RAPGEF4: variants seen among roughly 807,000 people sequenced by gnomAD.
The protein encoded by RAPGEF4 is Rap guanine nucleotide exchange factor 4.
RAPGEF4 carries 66 observed loss-of-function variants against 147.9 expected under a neutral mutation model. That is an observed-to-expected ratio of 0.45 (90% CI 0.37 to 0.55). The LOEUF is 0.55. Among genes scored for constraint, RAPGEF4 ranks in the 20% least tolerant of loss-of-function variants. The pLI, the probability that RAPGEF4 is intolerant of heterozygous loss-of-function variation, is 0.00. For synonymous variants in RAPGEF4, 419 were observed against 442.7 expected (o/e 0.95, Z 0.67); for missense variants, 1,071 against 1,257.3 (o/e 0.85, Z 2.24).
chr2:172,750,273 A>T (rs1695150728), intron 1 of RAPGEF4, among the ~76,000 whole-genome samples: 1 of 152,110 alleles, frequency 6.6e-6, no homozygotes, highest in Admixed American at 6.5e-5. Flanking sequence ...GAGACTGGTT[A>T]ATTTATAAAG....
intron 1 of RAPGEF4, among the ~76,000 whole-genome samples, chr2:172,746,789 T>C (rs2149432075): frequency 6.6e-6 from 1 of 152,086 alleles, no homozygotes; most frequent in Non-Finnish European, 1.5e-5. Flanking sequence ...ATTTTTGTAA[T>C]TTTAGTAGAG....
intron 4 of RAPGEF4, among the ~76,000 whole-genome samples, chr2:172,900,718 C>A (rs1312760437): frequency 6.6e-6 from 1 of 152,050 alleles, no homozygotes; most frequent in Non-Finnish European, 1.5e-5. Flanking sequence ...TCTTTTGCCC[C>A]CAAATACTTG....
chr2:172,905,850 C>T (rs994827634), intron 4 of RAPGEF4, among the ~76,000 whole-genome samples: 8 of 152,308 alleles, frequency 5.3e-5, no homozygotes, highest in Admixed American at 6.5e-5. Context: ...CCCCATTATG[C>T]GGATGCTCTA....
At chr2:173,003,103 C>T (rs924747502) in intron 17 of RAPGEF4, among the ~76,000 whole-genome samples, 1 of 150,942 alleles carries the variant, frequency 6.6e-6, no homozygotes, top group Non-Finnish European at 1.5e-5. Context: ...GGCATCTTTA[C>T]AAGTCCAAGC....
intron 6 of RAPGEF4, 146 bp downstream of exon 6, chr2:172,922,446 A>G: frequency 1.2e-6 from 1 of 836,414 alleles, no homozygotes; most frequent in Non-Finnish European, 1.9e-6. Flanking sequence ...CATCTTTGGC[A>G]AGTCACTTTG....
At chr2:172,941,921 A>G (rs1316425035) in intron 6 of RAPGEF4, among the ~76,000 whole-genome samples, 1 of 152,138 alleles carries the variant, frequency 6.6e-6, no homozygotes, top group African/African-American at 2.4e-5. Context: ...TATGCTCTCA[A>G]CAAGTATTTT....
intron 4 of RAPGEF4, among the ~76,000 whole-genome samples, chr2:172,885,262 G>A (rs1333354052): frequency 1.3e-5 from 2 of 152,206 alleles, no homozygotes; most frequent in Non-Finnish European, 2.9e-5. Context: ...GCCCATGGCG[G>A]TATTGGCTTT....
At chr2:172,976,531 C>A (rs1377790912) in intron 10 of RAPGEF4, among the ~76,000 whole-genome samples, 1 of 152,140 alleles carries the variant, frequency 6.6e-6, no homozygotes, top group Non-Finnish European at 1.5e-5. Context: ...GCATCCCCCA[C>A]CCCACACACA....
At chr2:172,770,191 A>G (rs1697222452) in intron 1 of RAPGEF4, among the ~76,000 whole-genome samples, 1 of 152,208 alleles carries the variant, frequency 6.6e-6, no homozygotes, top group Non-Finnish European at 1.5e-5. Flanking sequence ...ACTCTGCTAA[A>G]TAAATATTGA....
chr2:172,760,445 G>A (rs538418315), intron 1 of RAPGEF4, among the ~76,000 whole-genome samples: 7 of 152,322 alleles, frequency 4.6e-5, no homozygotes, highest in East Asian at 1.9e-4. Context: ...GAGGCTGGGC[G>A]TGGTGGCTCA....
rs777681189 is a variant in RAPGEF4 at position 172,967,343 on chromosome 2, T to G, written c.903T>G (p.Thr301=). 9 of 1,612,104 alleles carry G rather than the reference T, an allele frequency of 5.6e-6. No homozygotes were observed. In the South Asian group the frequency reaches 9.9e-5, roughly 18 times the overall value. ...DDEHEDAPLP[T]EEEKKECDEE... ...AGCACGAGGATGCCCCTTTGCCTACTGAGGAGGAGAAGAAGGAGTGTGATG... is the reference window on the plus strand; with the variant it reads ...AGCACGAGGATGCCCCTTTGCCTACGGAGGAGGAGAAGAAGGAGTGTGATG... Residue 301 remains threonine (T), a synonymous_variant, in exon 10 of 31, where the codon ACT becomes ACG. Coordinates refer to ENST00000397081, the MANE Select transcript of RAPGEF4 (RefSeq NM_007023.4).
chr2:172,848,470 C>T (rs1165048022), intron 4 of RAPGEF4, among the ~76,000 whole-genome samples: 3 of 152,180 alleles, frequency 2.0e-5, no homozygotes, highest in Non-Finnish European at 4.4e-5. Flanking sequence ...CCTGTAGAGG[C>T]TCACATAATT....
chr2:173,013,513 G>T, intron 17 of RAPGEF4, among the ~76,000 whole-genome samples: 1 of 152,192 alleles, frequency 6.6e-6, no homozygotes, highest in East Asian at 1.9e-4. Context: ...GTTGTTTTAT[G>T]AACTAATTAT....
chr2:172,983,694 T>C, intron 11 of RAPGEF4, 114 bp downstream of exon 11: 1 of 1,476,882 alleles, frequency 6.8e-7, no homozygotes, highest in Non-Finnish European at 8.9e-7. Flanking sequence ...TTTCACCTCA[T>C]AAATCACCTC....
intron 30 of RAPGEF4, among the ~76,000 whole-genome samples, chr2:173,051,199 C>A (rs1197186976): frequency 2.0e-5 from 3 of 152,186 alleles, no homozygotes; most frequent in Admixed American, 6.5e-5. Flanking sequence ...TGGCTTGCTT[C>A]AGTTTGGCCC....
At chr2:172,741,616 G>A (rs1694304643) in intron 1 of RAPGEF4, among the ~76,000 whole-genome samples, 1 of 151,872 alleles carries the variant, frequency 6.6e-6, no homozygotes, top group South Asian at 2.1e-4. Context: ...TCTTTTTATT[G>A]TGGAAAAAAT....
chr2:172,941,991 T>C (rs1687208014), intron 6 of RAPGEF4, among the ~76,000 whole-genome samples: 1 of 152,006 alleles, frequency 6.6e-6, no homozygotes, highest in African/African-American at 2.4e-5. Context: ...ATATATTCTT[T>C]TAATGGTGCT....
intron 4 of RAPGEF4, among the ~76,000 whole-genome samples, chr2:172,898,001 C>T (rs1698692449): frequency 6.6e-6 from 1 of 152,124 alleles, no homozygotes; most frequent in Non-Finnish European, 1.5e-5. Flanking sequence ...TGTAATTTCA[C>T]AACATCACTG....
At chr2:172,753,556 T>A (rs146805692) in intron 1 of RAPGEF4, among the ~76,000 whole-genome samples, 63 of 152,246 alleles carry the variant, frequency 4.1e-4, no homozygotes, top group African/African-American at 1.5e-3. Context: ...ATTGATTTTA[T>A]GTACTGAATT....
Sources: gnomAD v4.1 joint callset for allele counts (sites outside exome capture counted in the v4.1 genomes callset) on GRCh38, gnomAD v4.1.1 for gene constraint, MANE v1.5 for transcripts, NCBI Gene and HGNC (gene_info 2026-07-23, HGNC 2026-07-21) for gene names.